PDE6C: variants seen among roughly 807,000 people sequenced by gnomAD.
PDE6C encodes cone cGMP-specific 3',5'-cyclic phosphodiesterase subunit alpha'.
In PDE6C, 75 loss-of-function variants were observed where a neutral mutation model predicts 113.1. The observed-to-expected ratio is 0.66, with a 90% CI of 0.55 to 0.80. The LOEUF (loss-of-function observed/expected upper bound fraction) is 0.80, where lower values mean the gene tolerates loss of function less well. Among genes scored for constraint, PDE6C ranks in the 30% least tolerant of loss-of-function variants. The pLI, the probability that PDE6C is intolerant of heterozygous loss-of-function variation, is 0.00. For missense variants in PDE6C, 912 were observed against 1,038.6 expected, an observed-to-expected ratio of 0.88 and a Z score of 1.67; for synonymous variants, 375 against 363.7, an observed-to-expected ratio of 1.03 and a Z score of -0.35.
At chr10:93,655,610 CAAAA>C in intron 15 of PDE6C, 146 bp from the exon 16 acceptor site, 5,251 of 327,704 alleles carry the variant, frequency 0.016, 27 homozygotes, top group East Asian at 0.081. Context: ...AAAAGCAAGC[CAAAA>C]AAAAAAAAAA....
chr10:93,630,278 T>A (rs965965515), intron 8 of PDE6C, among the ~76,000 whole-genome samples: 5 of 152,012 alleles, frequency 3.3e-5, no homozygotes, highest in Non-Finnish European at 7.4e-5. Context: ...CTTCTCCCCA[T>A]CAGGGCTTCC....
chr10:93,651,053 G>T (rs1055486053), intron 15 of PDE6C, among the ~76,000 whole-genome samples: 1 of 152,050 alleles, frequency 6.6e-6, no homozygotes, highest in Non-Finnish European at 1.5e-5. Context: ...ACACAAACTT[G>T]TTGGTATTTT....
chr10:93,648,033 A>G (rs2058592576), intron 15 of PDE6C, among the ~76,000 whole-genome samples: 1 of 152,176 alleles, frequency 6.6e-6, no homozygotes, highest in East Asian at 1.9e-4. Flanking sequence ...TCGCATAATC[A>G]TACAGTCACC....
chr10:93,624,878 C>T (rs1203605819), intron 4 of PDE6C, among the ~76,000 whole-genome samples: 3 of 152,188 alleles, frequency 2.0e-5, no homozygotes, highest in African/African-American at 7.2e-5. Context: ...GAGGCCTCCT[C>T]TTATGGTGGA....
rs1261497386 is a variant in PDE6C at position 93,621,952 on chromosome 10, T to C, written c.744T>C (p.Asn248=). 6.2e-7 allele frequency: 1 copy of C among 1,613,884 alleles called. No individual in the cohort carries two copies. The highest frequency in any genetic ancestry group is 2.2e-5 in the East Asian group (1 of 44,884). Residue 248 remains asparagine, a synonymous_variant, in exon 4 of 22, where the codon AAT becomes AAC. Transcript: ENST00000371447. The part of the protein sequence containing the change: ...RRSQILMWSA[N]KVFEELTDVE... Reference sequence around the variant, plus strand: ...TTCAGATCCTTATGTGGTCAGCCAATAAAGTATTTGAAGAACTCACAGATG... The same window carrying C: ...TTCAGATCCTTATGTGGTCAGCCAACAAAGTATTTGAAGAACTCACAGATG...
At chr10:93,619,632 G>T (rs1227441691) in intron 1 of PDE6C, among the ~76,000 whole-genome samples, 1 of 152,080 alleles carries the variant, frequency 6.6e-6, no homozygotes, top group African/African-American at 2.4e-5. Context: ...CATCATGTTG[G>T]CCAGGCTGGT....
rs1421061546 is a variant in PDE6C, at chr10:93,622,036, A to G, written c.828A>G (p.Arg276=). ...TTAGATCATATCTGAACTGTGAACG[A>G]TACTCCATTGGACTGCTGGACATGA... ...YTVRSYLNCE[R]YSIGLLDMTK... is the part of the protein sequence containing the mutation. The change falls in exon 4 of 22, where the codon CGA becomes CGG. Residue 276 remains arginine (R), a synonymous_variant. Coordinates refer to ENST00000371447, the MANE Select transcript of PDE6C (RefSeq NM_006204.4). 5.0e-6 allele frequency: 8 copies of G among 1,614,112 alleles called. No homozygotes were observed. The highest frequency in any genetic ancestry group is 1.7e-5 in the Admixed American group (1 of 60,024).
rs370504949 is a variant in PDE6C, at chr10:93,621,938, A to G, written c.730A>G (p.Met244Val). 63 of 1,613,662 alleles carry G rather than the reference A, an allele frequency of 3.9e-5. No homozygotes were observed. Among genetic ancestry groups the G allele is most frequent in the African/African-American group, 5.3e-5 (4 of 74,910 alleles). The change falls in exon 4 of 22, where the codon ATG becomes GTG. Residue 244 changes from methionine (M) to valine (V), a missense_variant. Met to Val is a conservative substitution (Grantham distance 21). Transcript: ENST00000371447. The stretch of plus-strand genomic sequence containing the variant: ...TTTTGATACCTACTTTCAGATCCTT[A>G]TGTGGTCAGCCAATAAAGTATTTGA... ...NIESRRSQIL[M>V]WSANKVFEEL...
At chr10:93,619,102 T>A (rs539843323) in intron 1 of PDE6C, among the ~76,000 whole-genome samples, 1 of 152,326 alleles carries the variant, frequency 6.6e-6, no homozygotes, top group Non-Finnish European at 1.5e-5. Context: ...CCACCGTGAG[T>A]GGCTATTCTC....
chr10:93,638,103 A>C (rs2058542606), intron 11 of PDE6C, among the ~76,000 whole-genome samples: 1 of 152,228 alleles, frequency 6.6e-6, no homozygotes, highest in Non-Finnish European at 1.5e-5. Context: ...TGAATTTCAG[A>C]GGATTGAATT....
At position 93,635,541 on chromosome 10, in the gene PDE6C, C is replaced by T; in HGVS notation, c.1314C>T (p.Thr438=). The T allele has an allele frequency of 6.2e-7, 1 of 1,612,272 alleles. No homozygotes were observed. The highest frequency in any genetic ancestry group is 8.5e-7 in the Non-Finnish European group (1 of 1,178,406). Residue 438 remains threonine (T), a synonymous_variant, in exon 10 of 22, where the codon ACC becomes ACT. Coordinates refer to ENST00000371447, the MANE Select transcript of PDE6C (RefSeq NM_006204.4). ...GATGGTCTCTTTTAAATACTGACAC[C>T]TACGATAAGATGAATAAGCTAGAAA... ...FLGWSLLNTD[T]YDKMNKLENR... is the part of the protein sequence containing the mutation.
rs1389811259 is a variant in PDE6C at position 93,640,472 on chromosome 10, C to T, written c.1652C>T (p.Thr551Ile). 1 of 1,613,000 alleles carries T rather than the reference C, an allele frequency of 6.2e-7. No homozygotes were observed. Among genetic ancestry groups the T allele is most frequent in the South Asian group, 1.1e-5 (1 of 91,070 alleles). ...TAGGTTCTTACCAGATGGATGTACA[C>T]TGTGAGGAAAGGGTACCGAGCTGTC... is the stretch of plus-strand genomic sequence containing the variant. ...PVEVLTRWMY[T>I]VRKGYRAVTY... is the part of the protein sequence containing the mutation. The change falls in exon 13 of 22, where the codon ACT (threonine) becomes ATT (isoleucine). Residue 551 changes from threonine to isoleucine, a missense_variant. Physicochemically the swap from Thr to Ile is moderately conservative, Grantham distance 89. Coordinates refer to ENST00000371447, the MANE Select transcript of PDE6C (RefSeq NM_006204.4).
At chr10:93,661,147 C>T (rs2058663963) in intron 18 of PDE6C, among the ~76,000 whole-genome samples, 2 of 152,150 alleles carry the variant, frequency 1.3e-5, no homozygotes, top group Admixed American at 6.6e-5. Context: ...CAAGAGTAAA[C>T]AGCACTGGCC....
chr10:93,661,303 G>A (rs192588193), intron 18 of PDE6C, among the ~76,000 whole-genome samples: 24 of 152,246 alleles, frequency 1.6e-4, no homozygotes, highest in African/African-American at 4.3e-4. Context: ...AGCTTTGTAC[G>A]TTCCATTTTA....
At chr10:93,631,690 G>C (rs1057080732) in intron 8 of PDE6C, among the ~76,000 whole-genome samples, 1 of 152,170 alleles carries the variant, frequency 6.6e-6, no homozygotes, top group African/African-American at 2.4e-5. Context: ...CTCCTTTTGT[G>C]CTCCGTCTTC....
chr10:93,620,861 C>A, intron 2 of PDE6C, 30 bp from the exon 3 acceptor site: 1 of 1,612,402 alleles, frequency 6.2e-7, no homozygotes, highest in Non-Finnish European at 8.5e-7. Context: ...GATGTCACAA[C>A]CATAACTTGT....
At chr10:93,638,345 AC>A (rs1489228088) in intron 11 of PDE6C, among the ~76,000 whole-genome samples, 2 of 150,760 alleles carry the variant, frequency 1.3e-5, no homozygotes, top group African/African-American at 4.9e-5. Context: ...CTTACTTCCC[AC>A]CCCCGTGTTT....
rs145722581 is a variant in PDE6C, at chr10:93,658,001, T to G, written c.2037-900T>G. Among the ~76,000 whole-genome samples the G allele has an allele frequency of 7.5e-3, 1,129 of 151,012 alleles. 17 individuals carry two copies. The highest frequency in any genetic ancestry group is 0.026 in the African/African-American group (1,060 of 41,212). On this transcript the variant is annotated intron_variant, in intron 16 of 21. Coordinates refer to ENST00000371447, the MANE Select transcript of PDE6C (RefSeq NM_006204.4). ...GCCTGGGCAACATAGCAAGACTGTCTCTACAAAAAAATTAAAAAATTAGCC... is the reference window on the plus strand; with the variant it reads ...GCCTGGGCAACATAGCAAGACTGTCGCTACAAAAAAATTAAAAAATTAGCC...
At chr10:93,618,629 C>T (rs185937219) in intron 1 of PDE6C, among the ~76,000 whole-genome samples, 2 of 152,306 alleles carry the variant, frequency 1.3e-5, no homozygotes, top group East Asian at 3.9e-4. Flanking sequence ...TCTGGTGATC[C>T]TCTGCAGGAG....
Sources: gnomAD v4.1 joint callset for allele counts (sites outside exome capture counted in the v4.1 genomes callset) on GRCh38, gnomAD v4.1.1 for gene constraint, MANE v1.5 for transcripts, NCBI Gene and HGNC (gene_info 2026-07-23, HGNC 2026-07-21) for gene names.